The following SLC25A28 variants were observed in gnomAD, a reference collection of about 807,000 sequenced individuals.
SLC25A28 encodes solute carrier family 25 member 28, also known as mitoferrin-2.
Under a neutral mutation model 31.9 loss-of-function variants are expected in SLC25A28, and 10 were observed. The ratio of observed to expected loss-of-function variants is 0.31; its 90% CI spans 0.19 to 0.53. SLC25A28 has a LOEUF of 0.53. Among genes scored for constraint, SLC25A28 ranks in the 20% least tolerant of loss-of-function variants. The pLI, the probability that SLC25A28 is intolerant of heterozygous loss-of-function variation, is 0.95. For missense variants in SLC25A28, 256 were observed against 490.3 expected (o/e 0.52, Z 4.51); for synonymous variants, 208 against 203.6 (o/e 1.02, Z -0.19).
chr10:99,643,013 T>A, the SLC25A28 span, among the ~76,000 whole-genome samples: 2 of 152,160 alleles, frequency 1.3e-5, no homozygotes, highest in Non-Finnish European at 2.9e-5. Flanking sequence ...CCAGGGATAT[T>A]AGTCTAAAAT....
At chr10:99,655,972 C>T in the SLC25A28 span, among the ~76,000 whole-genome samples, 4 of 152,124 alleles carry the variant, frequency 2.6e-5, no homozygotes, top group African/African-American at 9.7e-5. Flanking sequence ...TGGACCATAT[C>T]TCATTGGAAT....
chr10:99,613,845 G>A lies in SLC25A28; in HGVS notation c.371C>T (p.Thr124Met), dbSNP rs1319947477. Residue 124 changes from threonine (T) to methionine (M), a missense_variant, in exon 2 of 4, where the codon ACG (threonine) becomes ATG (methionine). By Grantham distance (81) the Thr-to-Met change is moderately conservative. This residue lies in a region of SLC25A28 where 158 missense variants were observed against 379.1 expected (regional missense o/e 0.42). Coordinates refer to ENST00000370495, the MANE Select transcript of SLC25A28 (RefSeq NM_031212.4). This position sits in a 1 kb window ranked among gnomAD's most constrained non-coding sequence, Gnocchi z 4.9. ...CCTCATGGGCCTCCATAGGCCCTCC[G>A]TTCTTATAATCCTCCAGAGGGCCTC... ...VLEALWRIIR[T>M]EGLWRPMRGL... 3.7e-6 allele frequency: 6 copies of A among 1,614,036 alleles called. No homozygotes were observed. The highest frequency in any genetic ancestry group is 3.3e-5 in the Admixed American group (2 of 60,012).
the SLC25A28 span, among the ~76,000 whole-genome samples, chr10:99,651,594 C>CTTTTTTTTTTTTTTT: frequency 5.0e-4 from 55 of 110,180 alleles, 3 homozygotes; most frequent in Admixed American, 9.0e-4. Context: ...TTTTTCTTTT[C>CTTTTTTTTTTTTTTT]TTTTTTTTTT....
chr10:99,644,363 G>C, the SLC25A28 span, among the ~76,000 whole-genome samples: 19 of 152,228 alleles, frequency 1.2e-4, no homozygotes, highest in African/African-American at 4.6e-4. Context: ...TTTGAAGTCT[G>C]TTTTATCAGA....
chr10:99,614,920 T>G (rs2034611708), intron 1 of SLC25A28, among the ~76,000 whole-genome samples: 1 of 152,212 alleles, frequency 6.6e-6, no homozygotes, highest in Non-Finnish European at 1.5e-5. Flanking sequence ...GCACCTCTGA[T>G]TTGTTTGCTA....
chr10:99,648,815 T>C, the SLC25A28 span, among the ~76,000 whole-genome samples: 1 of 151,986 alleles, frequency 6.6e-6, no homozygotes, highest in African/African-American at 2.4e-5. Flanking sequence ...CTGAAACTAC[T>C]GCATTCATTT....
the SLC25A28 span, among the ~76,000 whole-genome samples, chr10:99,627,866 C>A: frequency 1.3e-5 from 1 of 78,220 alleles, no homozygotes; most frequent in Non-Finnish European, 2.7e-5. Flanking sequence ...CAATTCTTAC[C>A]CACCTCCCGC....
chr10:99,658,141 C>T, the SLC25A28 span, among the ~76,000 whole-genome samples: 1 of 152,086 alleles, frequency 6.6e-6, no homozygotes, highest in Non-Finnish European at 1.5e-5. Flanking sequence ...GAACCACGAT[C>T]GCACCACTGC....
At chr10:99,619,342 G>A (rs190549453) in intron 1 of SLC25A28, 1 of 985,338 alleles carries the variant, frequency 1.0e-6, no homozygotes, top group Non-Finnish European at 1.2e-6. Flanking sequence ...CATCTCTCTT[G>A]TTTGGAGGCT....
At chr10:99,646,416 G>T in the SLC25A28 span, among the ~76,000 whole-genome samples, 1 of 152,226 alleles carries the variant, frequency 6.6e-6, no homozygotes, top group Non-Finnish European at 1.5e-5. Flanking sequence ...GAAAAGCGCA[G>T]TATTAGGGTG....
intron 1 of SLC25A28, chr10:99,615,533 G>C: frequency 1.0e-6 from 1 of 985,232 alleles, no homozygotes; most frequent in Non-Finnish European, 1.2e-6. Context: ...ACAAAAAACC[G>C]GAAGCTTAAA....
chr10:99,657,453 G>A, the SLC25A28 span, among the ~76,000 whole-genome samples: 403 of 152,076 alleles, frequency 2.6e-3, 3 homozygotes, highest in African/African-American at 9.5e-3. Context: ...GTTTCTGGGG[G>A]TCCAGATAAA....
rs1036247100 is a variant in SLC25A28 at position 99,619,062 on chromosome 10, A to G, written c.291+983T>C. 5 of 985,306 alleles carry G rather than the reference A, an allele frequency of 5.1e-6. No homozygotes were observed. In the African/African-American group the frequency reaches 8.7e-5, roughly 17 times the overall value. The allele number at this position is 985,306 out of a possible 1,614,324, so 61.0% of individuals were successfully genotyped here. A position where few individuals can be genotyped will look rare whatever the true frequency, so the allele number is the denominator to read the frequency against. ...ACCTTTAATGGCTGGCACCTTTACT[A>G]ATGTACAAGAATAAGAACTGTAAAG... On this transcript the variant is annotated intron_variant, in intron 1 of 3. Transcript: ENST00000370495.
rs763963332 is a variant in SLC25A28, at chr10:99,613,454, C to T, written c.520+242G>A. Reference sequence around the variant, plus strand: ...GTTGATGCCAGGGAGATGAGAGGAACAAGTCAAGCTGGTAGGTAAGGGAGG... The same window carrying T: ...GTTGATGCCAGGGAGATGAGAGGAATAAGTCAAGCTGGTAGGTAAGGGAGG... On this transcript the variant is annotated intron_variant, in intron 2 of 3. Coordinates refer to ENST00000370495, the MANE Select transcript of SLC25A28 (RefSeq NM_031212.4). This position sits in a 1 kb window ranked among gnomAD's most constrained non-coding sequence, Gnocchi z 4.9. 31 of 1,387,860 alleles carry T rather than the reference C, an allele frequency of 2.2e-5. No homozygotes were observed. Among genetic ancestry groups the T allele is most frequent in the East Asian group, 1.7e-4 (6 of 35,704 alleles). The allele number at this position is 1,387,860 out of a possible 1,614,324, so 86.0% of individuals were successfully genotyped here.
At chr10:99,639,395 T>G in the SLC25A28 span, among the ~76,000 whole-genome samples, 1 of 152,018 alleles carries the variant, frequency 6.6e-6, no homozygotes, top group Non-Finnish European at 1.5e-5. Context: ...GTATATTGCA[T>G]GGGTGATGGG....
rs534212100 is a variant in SLC25A28, at chr10:99,610,661, G to T, written c.*188C>A. The T allele has an allele frequency of 6.1e-6, 4 of 651,020 alleles. No individual in the cohort carries two copies. The East Asian group carries it at 1.1e-4, about 18-fold the overall frequency. The allele number at this position is 651,020 out of a possible 1,614,324, so 40.3% of individuals were successfully genotyped here. On this transcript the variant is annotated 3_prime_UTR_variant, in exon 4 of 4. Transcript: ENST00000370495. ...GTGTGCTTTGCTGCACGTGCTTAGG[G>T]CCTGGAAGGAAAGGTGGTGGCAACA...
At chr10:99,639,348 G>C in the SLC25A28 span, among the ~76,000 whole-genome samples, 1 of 151,708 alleles carries the variant, frequency 6.6e-6, no homozygotes, top group Non-Finnish European at 1.5e-5. Flanking sequence ...AGGGTGGGAG[G>C]GGGGCGAGGG....
At position 99,620,389 on chromosome 10, in the gene SLC25A28, C is replaced by T; in HGVS notation, c.-54G>A. 3 of 1,074,514 alleles carry T rather than the reference C, an allele frequency of 2.8e-6. No homozygotes were observed. Among genetic ancestry groups the T allele is most frequent in the Non-Finnish European group, 3.4e-6 (3 of 888,344 alleles). 66.6% of individuals were successfully genotyped at this position (1,074,514 alleles called of 1,614,324 possible). ...CCGCCGCCGCTGCCACCACTGCCGC[C>T]GCCGCCCCCCGGCCCCGTAGTGTCC... On this transcript the variant is annotated 5_prime_UTR_variant, in exon 1 of 4. Transcript: ENST00000370495.
chr10:99,618,893 A>T (rs1263381870), intron 1 of SLC25A28: 1 of 985,302 alleles, frequency 1.0e-6, no homozygotes. Flanking sequence ...TGAATACATA[A>T]CACTTTCCTG....
Sources: allele counts gnomAD v4.1 joint callset (sites outside exome capture counted in the v4.1 genomes callset), GRCh38; gene constraint gnomAD v4.1.1; regional missense constraint gnomAD v4.1.1; non-coding constraint Gnocchi (gnomAD v3.1); transcripts MANE v1.5; gene names NCBI Gene and HGNC (gene_info 2026-07-23, HGNC 2026-07-21).